The following OLA1 variants were observed in gnomAD, a reference collection of about 807,000 sequenced individuals.
OLA1 encodes the protein obg-like ATPase 1.
In OLA1, 14 loss-of-function variants were observed where a neutral mutation model predicts 48.4. The ratio of observed to expected loss-of-function variants is 0.29; its 90% CI spans 0.19 to 0.45. The LOEUF (loss-of-function observed/expected upper bound fraction) is 0.45. OLA1 is among the 20% of genes least tolerant of loss of function. The pLI is 1.00. For missense variants in OLA1, 325 were observed against 467.1 expected (o/e 0.70, Z 2.80); for synonymous variants, 127 against 150.4 (o/e 0.84, Z 1.14).
At chr2:174,170,821 C>T (rs1295269582) in intron 4 of OLA1, among the ~76,000 whole-genome samples, 1 of 152,110 alleles carries the variant, frequency 6.6e-6, no homozygotes, top group Non-Finnish European at 1.5e-5. Flanking sequence ...GGAGGATTGC[C>T]TGAGCCCAGA....
At chr2:174,137,426 T>A (rs1686335812) in intron 5 of OLA1, among the ~76,000 whole-genome samples, 1 of 152,216 alleles carries the variant, frequency 6.6e-6, no homozygotes, top group Admixed American at 6.5e-5. Context: ...GTAATAAGCA[T>A]TGGTTTCAAC....
chr2:174,104,786 G>A (rs1022946428), intron 7 of OLA1, among the ~76,000 whole-genome samples: 2 of 151,862 alleles, frequency 1.3e-5, no homozygotes, highest in African/African-American at 4.8e-5. Flanking sequence ...TGCAATTCCG[G>A]TTTATTTCTC....
chr2:174,230,650 T>C (rs779431790), intron 2 of OLA1, among the ~76,000 whole-genome samples: 3 of 152,176 alleles, frequency 2.0e-5, no homozygotes, highest in Non-Finnish European at 1.5e-5. Context: ...CAGAAGAACA[T>C]ATTAAATGAT....
At chr2:174,093,827 G>A (rs554376781) in intron 7 of OLA1, among the ~76,000 whole-genome samples, 1 of 152,318 alleles carries the variant, frequency 6.6e-6, no homozygotes, top group East Asian at 1.9e-4. Context: ...GAGGCCGCAG[G>A]ATAAACTATC....
chr2:174,205,583 C>T (rs1043910964), intron 4 of OLA1, among the ~76,000 whole-genome samples: 3 of 152,190 alleles, frequency 2.0e-5, no homozygotes, highest in African/African-American at 7.2e-5. Flanking sequence ...TAACCCCTTA[C>T]CTGTGAGAAA....
intron 7 of OLA1, among the ~76,000 whole-genome samples, chr2:174,090,996 C>T (rs917779270): frequency 6.6e-6 from 1 of 152,222 alleles, no homozygotes; most frequent in Non-Finnish European, 1.5e-5. Flanking sequence ...TTCTGTTTAT[C>T]TCTTCACACT....
At chr2:174,148,091 A>T (rs561079655) in intron 4 of OLA1, among the ~76,000 whole-genome samples, 2 of 152,274 alleles carry the variant, frequency 1.3e-5, no homozygotes, top group Admixed American at 1.3e-4. Context: ...GTCACTTTTT[A>T]AAAAAACAAA....
chr2:174,096,471 A>G (rs758572996), intron 7 of OLA1, among the ~76,000 whole-genome samples: 3 of 152,242 alleles, frequency 2.0e-5, no homozygotes, highest in Non-Finnish European at 4.4e-5. Context: ...GAGCTAATCT[A>G]AAGATTACAA....
At chr2:174,157,174 A>G (rs12475308) in intron 4 of OLA1, among the ~76,000 whole-genome samples, 42,226 of 152,118 alleles carry the variant, frequency 0.28, 6,478 homozygotes, top group Non-Finnish European at 0.35. Flanking sequence ...TAAGAGACAT[A>G]TTTAACAAAT....
intron 7 of OLA1, among the ~76,000 whole-genome samples, chr2:174,100,194 T>C (rs1307584109): frequency 2.0e-5 from 3 of 152,322 alleles, no homozygotes; most frequent in Middle Eastern, 3.4e-3. Flanking sequence ...AAAACATTCA[T>C]GGTAAATTGA....
chr2:174,117,680 C>T (rs968951963), intron 7 of OLA1, among the ~76,000 whole-genome samples: 1 of 152,158 alleles, frequency 6.6e-6, no homozygotes, highest in Admixed American at 6.5e-5. Flanking sequence ...TCCTATCCCA[C>T]ACAAGCAGGA....
At chr2:174,119,468 T>G (rs2105365148) in intron 7 of OLA1, among the ~76,000 whole-genome samples, 1 of 152,272 alleles carries the variant, frequency 6.6e-6, no homozygotes, top group South Asian at 2.1e-4. Flanking sequence ...TGTATATATA[T>G]GCACACATAC....
At chr2:174,101,575 T>G (rs568609068) in intron 7 of OLA1, among the ~76,000 whole-genome samples, 2 of 152,344 alleles carry the variant, frequency 1.3e-5, no homozygotes, top group South Asian at 2.1e-4. Context: ...GATCTTTGCC[T>G]ATCCTGGGTT....
At chr2:174,211,397 T>G (rs1688240627) in intron 4 of OLA1, among the ~76,000 whole-genome samples, 2 of 152,226 alleles carry the variant, frequency 1.3e-5, no homozygotes, top group African/African-American at 4.8e-5. Context: ...CCACCATGAT[T>G]AGCCCAGCTT....
chr2:174,119,178 GA>G (rs1685851415), intron 7 of OLA1, among the ~76,000 whole-genome samples: 1 of 150,804 alleles, frequency 6.6e-6, no homozygotes, highest in Non-Finnish European at 1.5e-5. Flanking sequence ...GTAATAAAAA[GA>G]TCATTTTTCT....
chr2:174,210,287 A>G (rs957359401), intron 4 of OLA1, among the ~76,000 whole-genome samples: 6 of 152,208 alleles, frequency 3.9e-5, no homozygotes, highest in African/African-American at 1.4e-4. Context: ...TTCTGATTTT[A>G]AAAACAAGGA....
rs553514590 is a variant in OLA1 at position 174,225,097 on chromosome 2, T to C, written c.246-1937A>G. On this transcript the variant is annotated intron_variant, in intron 3 of 10. Coordinates refer to ENST00000284719, the MANE Select transcript of OLA1 (RefSeq NM_013341.5). ...GGTCACGGGGTGGATCCCTCATGAATGGCTTGGTGCCCTCTCCATAGTAAT... is the reference window on the plus strand; with the variant it reads ...GGTCACGGGGTGGATCCCTCATGAACGGCTTGGTGCCCTCTCCATAGTAAT... 1.2e-4 allele frequency among the ~76,000 whole-genome samples: 18 copies of C among 152,298 alleles called. No individual in the cohort carries two copies. In the South Asian group the frequency reaches 3.7e-3, roughly 32 times the overall value.
chr2:174,137,079 A>G (rs1686326993), intron 5 of OLA1, among the ~76,000 whole-genome samples: 1 of 152,210 alleles, frequency 6.6e-6, no homozygotes, highest in African/African-American at 2.4e-5. Flanking sequence ...AGTCTTATGA[A>G]ATGTATTTCT....
chr2:174,119,913 C>G (rs7585502), intron 7 of OLA1, among the ~76,000 whole-genome samples: 19 of 151,222 alleles, frequency 1.3e-4, no homozygotes, highest in African/African-American at 4.6e-4. Context: ...ACTACAAGCC[C>G]ACCAGGGCAT....
Sources: gnomAD v4.1 joint callset for allele counts (sites outside exome capture counted in the v4.1 genomes callset) on GRCh38, gnomAD v4.1.1 for gene constraint, MANE v1.5 for transcripts, NCBI Gene and HGNC (gene_info 2026-07-23, HGNC 2026-07-21) for gene names.